Variants in EIF3E observed in about 807,000 individuals in gnomAD.
The protein encoded by EIF3E is eIF-3 p48.
EIF3E carries 25 observed loss-of-function variants against 59.3 expected under a neutral mutation model. That is an observed-to-expected ratio of 0.42 (90% CI 0.31 to 0.59). The LOEUF (loss-of-function observed/expected upper bound fraction) is 0.59, where lower values mean the gene tolerates loss of function less well. Among genes scored for constraint, EIF3E ranks in the 20% least tolerant of loss-of-function variants. EIF3E has a pLI of 0.15. For missense variants in EIF3E, 317 were observed against 534.3 expected, an observed-to-expected ratio of 0.59 and a Z score of 4.01; for synonymous variants, 176 against 170.2, an observed-to-expected ratio of 1.03 and a Z score of -0.26.
Position 108,217,375 on chromosome 8 carries a change from G to T in EIF3E, c.808C>A (p.Arg270Ser). Reference sequence around the variant, plus strand: ...ACTAGATCTTTTAGAACCTGCCGACGTTTTCGAACATCCTTGTTTGTTATG... The same window carrying T: ...ACTAGATCTTTTAGAACCTGCCGACTTTTTCGAACATCCTTGTTTGTTATG... Reference protein sequence around the residue: ...AVITNKDVRKRRQVLKDLVKV... With the variant: ...AVITNKDVRKSRQVLKDLVKV... The change falls in exon 8 of 13, where the codon CGT becomes AGT. Residue 270 changes from arginine (R) to serine (S), a missense_variant. Arg to Ser is a moderately radical substitution (Grantham distance 110, BLOSUM62 -1). Coordinates refer to ENST00000220849, the MANE Select transcript of EIF3E (RefSeq NM_001568.3). 1 of 1,589,464 alleles carries T rather than the reference G, an allele frequency of 6.3e-7. No individual in the cohort carries two copies.
At chr8:108,227,594 CTG>C (rs1025667249) in intron 7 of EIF3E, 3 of 152,122 alleles carry the variant, frequency 2.0e-5, no homozygotes, top group African/African-American at 7.2e-5. Context: ...GTCTGAAAAA[CTG>C]TGTTACTTAA....
At chr8:108,239,016 A>C (rs955957571) in intron 3 of EIF3E, among the ~76,000 whole-genome samples, 2 of 152,122 alleles carry the variant, frequency 1.3e-5, no homozygotes, top group African/African-American at 4.8e-5. Flanking sequence ...AGGTAAAGGG[A>C]AGTTAGGAAT....
At chr8:108,210,879 G>A in intron 10 of EIF3E, among the ~76,000 whole-genome samples, 1 of 152,086 alleles carries the variant, frequency 6.6e-6, no homozygotes, top group Non-Finnish European at 1.5e-5. Flanking sequence ...AGTTTGCTCA[G>A]AATGATGGTT....
chr8:108,202,895 C>A, intron 12 of EIF3E, 88 bp downstream of exon 12: 2 of 1,393,996 alleles, frequency 1.4e-6, no homozygotes, highest in Non-Finnish European at 1.9e-6. Flanking sequence ...ACAAAATCAG[C>A]TACAACTCAT....
chr8:108,229,149 A>T lies in EIF3E; in HGVS notation c.518T>A (p.Leu173Gln). ...ATTCTGCATTAAGATTTCAGAGGCCAGCTTTCCCCAGAGTGAACTTAAAGC... is the reference window on the plus strand; with the variant it reads ...ATTCTGCATTAAGATTTCAGAGGCCTGCTTTCCCCAGAGTGAACTTAAAGC... ...RNALSSLWGK[L>Q]ASEILMQNWD... Residue 173 changes from leucine to glutamine, a missense_variant, in exon 6 of 13, where the codon CTG becomes CAG. Around this residue, in one of 4 missense-constraint regions of EIF3E, gnomAD observed 242 missense variants for 398.0 expected, o/e 0.61. Coordinates refer to ENST00000220849, the MANE Select transcript of EIF3E (RefSeq NM_001568.3). The T allele has an allele frequency of 6.2e-7, 1 of 1,613,684 alleles. No homozygotes were observed. The highest frequency in any genetic ancestry group is 8.5e-7 in the Non-Finnish European group (1 of 1,179,720).
chr8:108,240,386 A>C (rs1400630769), intron 2 of EIF3E, among the ~76,000 whole-genome samples: 1 of 152,204 alleles, frequency 6.6e-6, no homozygotes, highest in African/African-American at 2.4e-5. Context: ...ATTATCTATC[A>C]TTTAATTCTC....
At chr8:108,210,629 G>A (rs1239228897) in intron 10 of EIF3E, among the ~76,000 whole-genome samples, 1 of 151,872 alleles carries the variant, frequency 6.6e-6, no homozygotes, top group African/African-American at 2.4e-5. Context: ...TAAGTTCTAG[G>A]GTACATTTGT....
intron 2 of EIF3E, among the ~76,000 whole-genome samples, chr8:108,241,466 C>T (rs1391995085): frequency 6.6e-6 from 1 of 151,568 alleles, no homozygotes; most frequent in Non-Finnish European, 1.5e-5. Flanking sequence ...CTCTAAGGCA[C>T]ACAATGCACT....
chr8:108,225,961 TTTGA>T (rs1456912397), intron 7 of EIF3E, among the ~76,000 whole-genome samples: 1 of 152,234 alleles, frequency 6.6e-6, no homozygotes, highest in Non-Finnish European at 1.5e-5. Context: ...TTTAATTTGT[TTTGA>T]TTTTTAATAC....
intron 7 of EIF3E, among the ~76,000 whole-genome samples, chr8:108,221,047 G>C (rs551215938): frequency 2.4e-4 from 37 of 151,768 alleles, no homozygotes; most frequent in African/African-American, 9.0e-4. Context: ...GGAAAGGACA[G>C]GACAGGACAG....
intron 5 of EIF3E, chr8:108,233,688 AT>A: frequency 2.4e-6 from 1 of 413,278 alleles, no homozygotes. Flanking sequence ...AAAAAAAAAA[AT>A]TAAAAATTAG....
At chr8:108,230,725 C>T (rs961901220) in intron 5 of EIF3E, among the ~76,000 whole-genome samples, 2 of 152,204 alleles carry the variant, frequency 1.3e-5, no homozygotes, top group East Asian at 1.9e-4. Context: ...CATATTCATA[C>T]TAACTTTATT....
intron 10 of EIF3E, among the ~76,000 whole-genome samples, chr8:108,207,483 C>G (rs1815126163): frequency 6.6e-6 from 1 of 152,126 alleles, no homozygotes; most frequent in African/African-American, 2.4e-5. Context: ...CCAGAACATG[C>G]TTGCCTCATG....
intron 1 of EIF3E, among the ~76,000 whole-genome samples, chr8:108,243,956 G>C (rs998482105): frequency 6.6e-6 from 1 of 152,086 alleles, no homozygotes; most frequent in Non-Finnish European, 1.5e-5. Flanking sequence ...CAATAGCCTT[G>C]CTCCTCTACC....
rs146061819 is a variant in EIF3E at position 108,229,080 on chromosome 8, A to G, written c.587T>C (p.Ile196Thr). The G allele has an allele frequency of 2.5e-6, 4 of 1,602,314 alleles. No individual in the cohort carries two copies. Among genetic ancestry groups the G allele is most frequent in the East Asian group, 2.2e-5 (1 of 44,602 alleles). ...AAAAGTCGAACTCACATTATTATCT[A>G]TGGTCTCTTTTAACCGTGTAAGGTC... The part of the protein sequence containing the change: ...MEDLTRLKET[I>T]DNNSVSSPLQ... Residue 196 changes from isoleucine to threonine, a missense_variant, in exon 6 of 13, where the codon ATA becomes ACA. Ile to Thr is a moderately conservative substitution (Grantham distance 89, BLOSUM62 -1). Transcript: ENST00000220849.
chr8:108,234,986 A>C lies in EIF3E; in HGVS notation c.471+12T>G. On this transcript the variant is annotated intron_variant, in intron 5 of 12. Transcript: ENST00000220849. ...AAAAAAAAAAAAAAAAAAAACATGT[A>C]CTTATACTTACCAGCACTCTAAAAA... 7.5e-7 allele frequency: 1 copy of C among 1,327,518 alleles called. No individual in the cohort carries two copies. The highest frequency in any genetic ancestry group is 1.1e-6 in the Non-Finnish European group (1 of 949,680). The allele number at this position is 1,327,518 out of a possible 1,614,324, so 82.2% of individuals were successfully genotyped here.
At chr8:108,238,306 A>T (rs1316049259) in intron 3 of EIF3E, among the ~76,000 whole-genome samples, 1 of 152,146 alleles carries the variant, frequency 6.6e-6, no homozygotes, top group East Asian at 1.9e-4. Context: ...GTATCCCCAG[A>T]GCATTAGTTC....
At chr8:108,221,665 A>G (rs1223138281) in intron 7 of EIF3E, 6 of 152,196 alleles carry the variant, frequency 3.9e-5, no homozygotes, top group Non-Finnish European at 8.8e-5. Flanking sequence ...CTTGAGAAAC[A>G]CTGTCCAGGT....
intron 1 of EIF3E, 130 bp downstream of exon 1, chr8:108,248,481 TAG>T (rs1815992420): frequency 1.3e-5 from 10 of 787,394 alleles, no homozygotes; most frequent in Admixed American, 2.3e-5. Flanking sequence ...AGAAGATCCT[TAG>T]TGTCCGTCCA....
Sources: allele counts gnomAD v4.1 joint callset (sites outside exome capture counted in the v4.1 genomes callset), GRCh38; gene constraint gnomAD v4.1.1; regional missense constraint gnomAD v4.1.1; transcripts MANE v1.5; gene names NCBI Gene and HGNC (gene_info 2026-07-23, HGNC 2026-07-21).